The following PSD3 variants were observed in gnomAD, a reference collection of about 807,000 sequenced individuals.
PSD3 encodes the protein PH and SEC7 domain-containing protein 3.
Under a neutral mutation model 105.5 loss-of-function variants are expected in PSD3, and 49 were observed. That is an observed-to-expected ratio of 0.46 (90% confidence interval 0.37 to 0.59). The LOEUF (loss-of-function observed/expected upper bound fraction) is 0.59. Among genes scored for constraint, PSD3 ranks in the 20% least tolerant of loss-of-function variants. The pLI, the probability that PSD3 is intolerant of heterozygous loss-of-function variation, is 0.00. For synonymous variants in PSD3, 557 were observed against 457.8 expected (o/e 1.22, Z -2.77); for missense variants, 1,561 against 1,263.8 (o/e 1.24, Z -3.57).
At chr8:18,656,061 T>C (rs1236480734) in intron 9 of PSD3, among the ~76,000 whole-genome samples, 1 of 152,172 alleles carries the variant, frequency 6.6e-6, no homozygotes, top group Non-Finnish European at 1.5e-5. Flanking sequence ...TACTTTTTTC[T>C]TTTCTTCTTT....
intron 12 of PSD3, among the ~76,000 whole-genome samples, chr8:18,594,265 T>A (rs1471880879): frequency 4.5e-5 from 1 of 22,360 alleles, no homozygotes; most frequent in Admixed American, 9.0e-4. Context: ...ATAATATATA[T>A]TATTATATAT....
chr8:19,055,532 C>T (rs1221342113), intron 1 of PSD3, among the ~76,000 whole-genome samples: 4 of 152,318 alleles, frequency 2.6e-5, no homozygotes, highest in Non-Finnish European at 4.4e-5. Flanking sequence ...GGATTACAGG[C>T]GTGAGCCACC....
At chr8:18,557,868 T>C (rs1045263849) in intron 14 of PSD3, among the ~76,000 whole-genome samples, 2 of 152,236 alleles carry the variant, frequency 1.3e-5, no homozygotes, top group African/African-American at 4.8e-5. Flanking sequence ...AACTATGTTA[T>C]GGATTGAATG....
rs574220319 is a variant in PSD3, at chr8:18,706,131, T to C, written c.2173-50446A>G. Among the ~76,000 whole-genome samples, 6 of 152,314 alleles carry C rather than the reference T, an allele frequency of 3.9e-5. No individual in the cohort carries two copies. The East Asian group carries it at 1.2e-3, about 29-fold the overall frequency. On this transcript the variant is annotated intron_variant, in intron 9 of 15. Transcript: ENST00000327040. ...AGGGCTTGTCACTGAGCAACTGTTA[T>C]TTCAAAATGGATCTCCCAACGAGAA...
chr8:18,931,137 A>T (rs1479151850), intron 2 of PSD3, among the ~76,000 whole-genome samples: 1 of 151,128 alleles, frequency 6.6e-6, no homozygotes, highest in Non-Finnish European at 1.5e-5. Flanking sequence ...TTTTTCCCTT[A>T]GGGGATTTTC....
At chr8:18,780,553 T>C (rs1007332458) in intron 8 of PSD3, among the ~76,000 whole-genome samples, 3 of 151,522 alleles carry the variant, frequency 2.0e-5, no homozygotes, top group Non-Finnish European at 2.9e-5. Context: ...CCTCTATTTA[T>C]TTATTTATTT....
chr8:19,011,731 C>T (rs1399573085), intron 1 of PSD3, among the ~76,000 whole-genome samples: 2 of 151,150 alleles, frequency 1.3e-5, no homozygotes, highest in Non-Finnish European at 2.9e-5. Context: ...AGAAAACACA[C>T]ATTAAGATTG....
intron 8 of PSD3, among the ~76,000 whole-genome samples, chr8:18,770,365 A>G (rs1004048246): frequency 1.1e-4 from 16 of 152,050 alleles, no homozygotes; most frequent in African/African-American, 3.4e-4. Context: ...CACATTCTAG[A>G]TATAATTTTC....
chr8:18,587,076 G>A (rs113602300), intron 12 of PSD3, among the ~76,000 whole-genome samples: 1 of 152,120 alleles, frequency 6.6e-6, no homozygotes, highest in African/African-American at 2.4e-5. Context: ...CCCAAATAGT[G>A]GGGGATTGGC....
intron 9 of PSD3, among the ~76,000 whole-genome samples, chr8:18,659,525 A>T (rs1262517531): frequency 6.6e-6 from 1 of 152,244 alleles, no homozygotes; most frequent in Non-Finnish European, 1.5e-5. Context: ...ATAACACTTC[A>T]TGTTTACATC....
At chr8:18,682,400 A>G (rs1800439238) in intron 9 of PSD3, among the ~76,000 whole-genome samples, 1 of 152,240 alleles carries the variant, frequency 6.6e-6, no homozygotes, top group African/African-American at 2.4e-5. Flanking sequence ...TAAGAATATG[A>G]TAAACCATTC....
At chr8:18,767,540 G>A (rs1563242783) in intron 8 of PSD3, among the ~76,000 whole-genome samples, 1 of 152,112 alleles carries the variant, frequency 6.6e-6, no homozygotes, top group African/African-American at 2.4e-5. Context: ...GAGGTCAGGA[G>A]TTCTAGACCA....
chr8:18,746,188 AC>A (rs1241251773), intron 9 of PSD3, among the ~76,000 whole-genome samples: 2 of 151,872 alleles, frequency 1.3e-5, no homozygotes, highest in Non-Finnish European at 2.9e-5. Context: ...TGGTTTTTCT[AC>A]ACTGTCCTGC....
chr8:18,707,175 C>A (rs1017224920), intron 9 of PSD3, among the ~76,000 whole-genome samples: 1 of 152,126 alleles, frequency 6.6e-6, no homozygotes, highest in Non-Finnish European at 1.5e-5. Context: ...CTGTCCAAAT[C>A]CTACCCATCC....
At chr8:19,074,601 ATATATATATATT>A (rs1563546473) in intron 1 of PSD3, among the ~76,000 whole-genome samples, 51 of 54,796 alleles carry the variant, frequency 9.3e-4, no homozygotes, top group Middle Eastern at 0.01. Flanking sequence ...ACATATATAT[ATATATATATATT>A]TTTTTTTTTT....
At chr8:19,028,687 T>A (rs1203055670) in intron 1 of PSD3, among the ~76,000 whole-genome samples, 1 of 152,170 alleles carries the variant, frequency 6.6e-6, no homozygotes, top group Non-Finnish European at 1.5e-5. Flanking sequence ...TGTTTTAAAT[T>A]TAAATGAAGC....
chr8:18,878,886 A>G (rs1186919994), intron 2 of PSD3, among the ~76,000 whole-genome samples: 2 of 152,218 alleles, frequency 1.3e-5, no homozygotes, highest in Non-Finnish European at 2.9e-5. Context: ...AAAATTGACC[A>G]TAGTGACTGC....
At chr8:19,012,617 C>T (rs1311477941) in intron 1 of PSD3, among the ~76,000 whole-genome samples, 1 of 152,190 alleles carries the variant, frequency 6.6e-6, no homozygotes, top group Non-Finnish European at 1.5e-5. Flanking sequence ...ATAAGTCTCT[C>T]CCAGGCAAGC....
At chr8:18,723,876 C>G (rs1435208927) in intron 9 of PSD3, among the ~76,000 whole-genome samples, 1 of 152,168 alleles carries the variant, frequency 6.6e-6, no homozygotes, top group Non-Finnish European at 1.5e-5. Flanking sequence ...TTTTAAATCT[C>G]TCATGTTTCC....
Sources: gnomAD v4.1 joint callset for allele counts (sites outside exome capture counted in the v4.1 genomes callset) on GRCh38, gnomAD v4.1.1 for gene constraint, MANE v1.5 for transcripts, NCBI Gene and HGNC (gene_info 2026-07-23, HGNC 2026-07-21) for gene names.